ARHGAP12: variants seen among roughly 807,000 people sequenced by gnomAD.
ARHGAP12 encodes Rho GTPase activating protein 12, also known as rho GTPase-activating protein 12.
In ARHGAP12, 64 loss-of-function variants were observed where a neutral mutation model predicts 108.6. That is an observed-to-expected ratio of 0.59 (90% CI 0.48 to 0.73). ARHGAP12 has a LOEUF of 0.73. Ranked by LOEUF, ARHGAP12 falls within the 30% of genes least tolerant of loss-of-function variation. The pLI, the probability that ARHGAP12 is intolerant of heterozygous loss-of-function variation, is 0.00. For synonymous variants in ARHGAP12, 312 were observed against 337.2 expected, an observed-to-expected ratio of 0.93 and a Z score of 0.82; for missense variants, 940 against 1,005.9, an observed-to-expected ratio of 0.93 and a Z score of 0.89.
chr10:31,890,528 G>A (rs1230048739), intron 3 of ARHGAP12, among the ~76,000 whole-genome samples: 1 of 152,104 alleles, frequency 6.6e-6, no homozygotes, highest in Non-Finnish European at 1.5e-5. Context: ...CAATAATTAA[G>A]TAGGAAGTCT....
rs546645940 is a variant in ARHGAP12, at chr10:31,865,235, T to C, written c.685-3577A>G. Among the ~76,000 whole-genome samples, 42 of 152,134 alleles carry C rather than the reference T, an allele frequency of 2.8e-4. 1 individual carries two copies. The South Asian group carries it at 6.2e-3, about 23-fold the overall frequency. Reference sequence around the variant, plus strand: ...TTTAAATTTTTAAAATATTACAGATTTTAGAGAGACGCAACTAGGAGGTTG... The same window carrying C: ...TTTAAATTTTTAAAATATTACAGATCTTAGAGAGACGCAACTAGGAGGTTG... On this transcript the variant is annotated intron_variant, in intron 3 of 19. Coordinates refer to ENST00000344936, the MANE Select transcript of ARHGAP12 (RefSeq NM_018287.7).
At chr10:31,879,576 AT>A (rs1428196821) in intron 3 of ARHGAP12, among the ~76,000 whole-genome samples, 6 of 152,200 alleles carry the variant, frequency 3.9e-5, no homozygotes, top group Non-Finnish European at 8.8e-5. Flanking sequence ...TGTTTAACTT[AT>A]TTAACTTAAT....
At position 31,850,532 on chromosome 10, in the gene ARHGAP12, C is replaced by A. The variant is rs148241424; in HGVS notation, c.1170+1985G>T. On this transcript the variant is annotated intron_variant, in intron 6 of 19. Coordinates refer to ENST00000344936, the MANE Select transcript of ARHGAP12 (RefSeq NM_018287.7). ...CACTAAATTTTTTTTATAAACGGTA[C>A]CAATTTTGAAGAGCAGTATCTGAGG... Among the ~76,000 whole-genome samples, 650 of 152,152 alleles carry A rather than the reference C, an allele frequency of 4.3e-3. 3 individuals are homozygous for A. Among genetic ancestry groups the A allele is most frequent in the African/African-American group, 0.015 (611 of 41,546 alleles).
rs572525371 is a variant in ARHGAP12 at position 31,917,575 on chromosome 10, A to G, written c.-110-7012T>C. On this transcript the variant is annotated intron_variant, in intron 1 of 19. Coordinates refer to ENST00000344936, the MANE Select transcript of ARHGAP12 (RefSeq NM_018287.7). ...ATTCAGGTATTCTGAAACTATACACATTACTCTCTTAAAGAAAATCTTCTA... is the reference window on the plus strand; with the variant it reads ...ATTCAGGTATTCTGAAACTATACACGTTACTCTCTTAAAGAAAATCTTCTA... Among the ~76,000 whole-genome samples, 7 of 152,298 alleles carry G rather than the reference A, an allele frequency of 4.6e-5. No individual in the cohort carries two copies. The East Asian group carries it at 1.2e-3, about 25-fold the overall frequency.
intron 10 of ARHGAP12, among the ~76,000 whole-genome samples, chr10:31,828,135 C>T (rs1835688619): frequency 6.6e-6 from 1 of 151,736 alleles, no homozygotes; most frequent in South Asian, 2.1e-4. Flanking sequence ...TTTCATAATG[C>T]TTTATGCTCT....
chr10:31,825,204 GT>G (rs1257662523), intron 11 of ARHGAP12, among the ~76,000 whole-genome samples: 3 of 152,108 alleles, frequency 2.0e-5, no homozygotes, highest in African/African-American at 7.2e-5. Flanking sequence ...GAGGAATAAT[GT>G]GTTCTGTGGC....
Position 31,810,690 on chromosome 10 carries a change from G to T in ARHGAP12, c.2009C>A (p.Pro670Gln). The T allele has an allele frequency of 6.2e-7, 1 of 1,606,004 alleles. No individual in the cohort carries two copies. Among genetic ancestry groups the T allele is most frequent in the South Asian group, 1.1e-5 (1 of 89,596 alleles). ...TTCAATACATAACTTCACAAACTTTGGTACTGTGCCATTCTCTCTCTGACA... is the reference window on the plus strand; with the variant it reads ...TTCAATACATAACTTCACAAACTTTTGTACTGTGCCATTCTCTCTCTGACA... ...NLCQRENGTV[P>Q]KFVKLCIEHV... Residue 670 changes from proline to glutamine, a missense_variant, in exon 16 of 20, where the codon CCA (proline) becomes CAA (glutamine). Pro to Gln is a moderately conservative substitution (Grantham distance 76). Coordinates refer to ENST00000344936, the MANE Select transcript of ARHGAP12 (RefSeq NM_018287.7).
chr10:31,920,969 G>A (rs1004705717), intron 1 of ARHGAP12, among the ~76,000 whole-genome samples: 3 of 152,150 alleles, frequency 2.0e-5, no homozygotes, highest in Non-Finnish European at 4.4e-5. Flanking sequence ...ACTTCTAAAT[G>A]AGTCAGGAGT....
intron 10 of ARHGAP12, 44 bp downstream of exon 10, chr10:31,831,695 T>C: frequency 7.5e-7 from 1 of 1,327,378 alleles, no homozygotes; most frequent in African/African-American, 1.5e-5. Flanking sequence ...TTTTAATTTA[T>C]TTCAGATGAA....
intron 1 of ARHGAP12, among the ~76,000 whole-genome samples, chr10:31,916,670 G>C (rs1220332773): frequency 6.6e-6 from 1 of 152,146 alleles, no homozygotes; most frequent in South Asian, 2.1e-4. Flanking sequence ...AGGCTGGAGT[G>C]CAGTGGCGCC....
Position 31,810,674 on chromosome 10 carries a change from T to A in ARHGAP12, c.2025A>T (p.Leu675Phe). The A allele has an allele frequency of 6.2e-7, 1 of 1,605,000 alleles. No homozygotes were observed. The highest frequency in any genetic ancestry group is 8.5e-7 in the Non-Finnish European group (1 of 1,176,334). ...ENGTVPKFVK[L>F]CIEHVEEHGL... ...CATGTTCTTCAACATGTTCAATACA[T>A]AACTTCACAAACTTTGGTACTGTGC... The change falls in exon 16 of 20, where the codon TTA (leucine) becomes TTT (phenylalanine). Residue 675 changes from leucine (L) to phenylalanine (F), a missense_variant. Transcript: ENST00000344936.
chr10:31,928,078 C>T (rs1435392518), intron 1 of ARHGAP12, among the ~76,000 whole-genome samples: 1 of 152,140 alleles, frequency 6.6e-6, no homozygotes, highest in East Asian at 1.9e-4. Flanking sequence ...CAGGTGGATT[C>T]CCCGGGTGGG....
At chr10:31,810,912 A>G (rs1052640582) in intron 15 of ARHGAP12, among the ~76,000 whole-genome samples, 165 bp from the exon 16 acceptor site, 18 of 152,326 alleles carry the variant, frequency 1.2e-4, no homozygotes, top group Non-Finnish European at 2.5e-4. Flanking sequence ...TTTCACTTCA[A>G]ACAATTCGTT....
At chr10:31,928,315 A>G in intron 1 of ARHGAP12, among the ~76,000 whole-genome samples, 1 of 124,396 alleles carries the variant, frequency 8.0e-6, no homozygotes. Flanking sequence ...ACACCCGCGC[A>G]CCCTCACACT....
At chr10:31,856,884 T>G (rs557322656) in intron 4 of ARHGAP12, among the ~76,000 whole-genome samples, 3 of 152,218 alleles carry the variant, frequency 2.0e-5, no homozygotes, top group Admixed American at 1.3e-4. Context: ...ATGCAACATA[T>G]AGTCTTCACT....
intron 9 of ARHGAP12, among the ~76,000 whole-genome samples, chr10:31,838,666 C>T (rs548890290): frequency 2.3e-4 from 35 of 151,816 alleles, no homozygotes; most frequent in Non-Finnish European, 3.2e-4. Context: ...CCCGTCTCTA[C>T]TAAAAATACA....
chr10:31,915,089 A>G (rs913507079), intron 1 of ARHGAP12, among the ~76,000 whole-genome samples: 1 of 152,002 alleles, frequency 6.6e-6, no homozygotes, highest in Non-Finnish European at 1.5e-5. Context: ...AAAAATATTG[A>G]TCTCTTAGAA....
chr10:31,831,706 T>A (rs755642745), intron 10 of ARHGAP12, 33 bp downstream of exon 10: 2 of 1,411,934 alleles, frequency 1.4e-6, no homozygotes, highest in Non-Finnish European at 9.8e-7. Flanking sequence ...TTCAGATGAA[T>A]CATGTAAGAA....
chr10:31,853,001 T>C (rs1185895794), intron 5 of ARHGAP12, among the ~76,000 whole-genome samples: 1 of 152,200 alleles, frequency 6.6e-6, no homozygotes, highest in Non-Finnish European at 1.5e-5. Context: ...GTGCTGGGAT[T>C]ATAGGCGTCA....
Sources: gnomAD v4.1 joint callset for allele counts (sites outside exome capture counted in the v4.1 genomes callset) on GRCh38, gnomAD v4.1.1 for gene constraint, MANE v1.5 for transcripts, NCBI Gene and HGNC (gene_info 2026-07-23, HGNC 2026-07-21) for gene names.